ATP8A2: variants seen among roughly 807,000 people sequenced by gnomAD.
The protein encoded by ATP8A2 is ATPase phospholipid transporting 8A2, also known as phospholipid-transporting ATPase IB.
ATP8A2 carries 100 observed loss-of-function variants against 165.6 expected under a neutral mutation model. The ratio of observed to expected loss-of-function variants is 0.60; its 90% CI spans 0.51 to 0.71. The LOEUF is 0.71. Among genes scored for constraint, ATP8A2 ranks in the 30% least tolerant of loss-of-function variants. ATP8A2 has a pLI of 0.00. For synonymous variants in ATP8A2, 543 were observed against 548.8 expected (o/e 0.99, Z 0.15); for missense variants, 1,227 against 1,479.5 (o/e 0.83, Z 2.80).
intron 23 of ATP8A2, among the ~76,000 whole-genome samples, chr13:25,588,418 G>A (rs562623368): frequency 6.6e-6 from 1 of 152,162 alleles, no homozygotes; most frequent in African/African-American, 2.4e-5. Context: ...GTAGGTCTGA[G>A]CACATAAATG....
chr13:25,603,729 T>A (rs4769430), intron 24 of ATP8A2, among the ~76,000 whole-genome samples: 125,965 of 152,014 alleles, frequency 0.83, 53,190 homozygotes, highest in African/African-American at 0.91. Flanking sequence ...TAGAAGAAGG[T>A]TAAGACCCGA....
intron 36 of ATP8A2, among the ~76,000 whole-genome samples, chr13:26,015,920 T>C (rs1262751540): frequency 6.6e-6 from 1 of 152,152 alleles, no homozygotes; most frequent in Non-Finnish European, 1.5e-5. Context: ...AGTTAAAGGT[T>C]CATTAGGCAG....
intron 27 of ATP8A2, among the ~76,000 whole-genome samples, chr13:25,801,480 C>G (rs1164580462): frequency 1.3e-5 from 2 of 152,130 alleles, no homozygotes; most frequent in Non-Finnish European, 2.9e-5. Flanking sequence ...ACCTGCCTCC[C>G]ACATCCCTGT....
chr13:25,687,954 G>A (rs2042637510), intron 24 of ATP8A2, among the ~76,000 whole-genome samples: 1 of 152,006 alleles, frequency 6.6e-6, no homozygotes, highest in African/African-American at 2.4e-5. Flanking sequence ...GCTCCCTGTA[G>A]ACTCTGGGAT....
chr13:25,571,198 C>T (rs941371927), intron 17 of ATP8A2, among the ~76,000 whole-genome samples: 1 of 152,182 alleles, frequency 6.6e-6, no homozygotes, highest in African/African-American at 2.4e-5. Context: ...ATAGATTTTC[C>T]GCCTGCTGGG....
At chr13:25,608,523 C>CTA (rs2040576724) in intron 24 of ATP8A2, among the ~76,000 whole-genome samples, 2 of 152,052 alleles carry the variant, frequency 1.3e-5, no homozygotes, top group South Asian at 4.1e-4. Context: ...ACAAAGGAAA[C>CTA]GTCTAAGGTG....
In ATP8A2 at chr13:25,899,012, C is replaced by T. The variant is rs188585347; in HGVS notation, c.3183+36604C>T. Among the ~76,000 whole-genome samples the T allele has an allele frequency of 3.4e-3, 520 of 152,324 alleles. 4 individuals are homozygous for T. The highest frequency in any genetic ancestry group is 4.2e-3 in the Non-Finnish European group (285 of 68,036). ...TTATGCCTTGCCCTGCTTCAGCTCA[C>T]GCATGGTGCCCTGCACCCACTGTCT... On this transcript the variant is annotated intron_variant, in intron 33 of 36. Coordinates refer to ENST00000381655, the MANE Select transcript of ATP8A2 (RefSeq NM_016529.6).
chr13:25,853,396 A>ATGTATATAT (rs59573616), intron 30 of ATP8A2, among the ~76,000 whole-genome samples: 1 of 107,868 alleles, frequency 9.3e-6, no homozygotes, highest in African/African-American at 3.5e-5. Context: ...ATCTAAAAAA[A>ATGTATATAT]ATATATATAT....
intron 24 of ATP8A2, among the ~76,000 whole-genome samples, chr13:25,654,183 A>T (rs1436558019): frequency 6.6e-6 from 1 of 151,454 alleles, no homozygotes; most frequent in Non-Finnish European, 1.5e-5. Context: ...GGACGGTAGC[A>T]GAGTTTTTGC....
rs112177702 is a variant in ATP8A2 at position 25,776,971 on chromosome 13, GT to G, written c.2679+2023del. Among the ~76,000 whole-genome samples the G allele has an allele frequency of 4.4e-3, 646 of 147,344 alleles. 5 individuals carry two copies. Among genetic ancestry groups the G allele is most frequent in the African/African-American group, 0.015 (597 of 40,276 alleles). On this transcript the variant is annotated intron_variant, in intron 27 of 36. Coordinates refer to ENST00000381655, the MANE Select transcript of ATP8A2 (RefSeq NM_016529.6). ...CATTTACACCTACTATCTTGCTGGT[GT>G]TTTTTTTTTTACTTCAAGTGGGCTG...
rs535733348 is a variant in ATP8A2, at chr13:25,537,784, C to CA, written c.508-197dup. ...TTTCCTTTTTTATTAAACATCATTG[C>CA]AAAAAAAGGCAACATTACCAGTGTC... On this transcript the variant is annotated intron_variant, in intron 6 of 36. Transcript: ENST00000381655. 2.8e-3 allele frequency among the ~76,000 whole-genome samples: 420 copies of CA among 152,076 alleles called. 1 individual carries two copies. Among genetic ancestry groups the CA allele is most frequent in the African/African-American group, 7.7e-3 (321 of 41,516 alleles).
At chr13:25,814,735 G>A (rs1265469506) in intron 27 of ATP8A2, among the ~76,000 whole-genome samples, 2 of 152,010 alleles carry the variant, frequency 1.3e-5, no homozygotes, top group African/African-American at 4.8e-5. Flanking sequence ...GATAATTCAG[G>A]ACAGATGCAG....
chr13:25,521,214 A>G (rs1470628786), intron 2 of ATP8A2, among the ~76,000 whole-genome samples: 3 of 152,044 alleles, frequency 2.0e-5, no homozygotes, highest in Non-Finnish European at 2.9e-5. Context: ...TATTTTATCT[A>G]TTTATTTATT....
At chr13:25,570,056 TA>T (rs1324310033) in intron 16 of ATP8A2, among the ~76,000 whole-genome samples, 4 of 152,228 alleles carry the variant, frequency 2.6e-5, no homozygotes, top group African/African-American at 9.6e-5. Flanking sequence ...AAAAATTATA[TA>T]TTTTTTTCCC....
At chr13:25,870,032 T>C (rs1026826990) in intron 33 of ATP8A2, among the ~76,000 whole-genome samples, 1 of 152,072 alleles carries the variant, frequency 6.6e-6, no homozygotes, top group African/African-American at 2.4e-5. Flanking sequence ...TGTTATTGAG[T>C]GGAAGTATCT....
intron 24 of ATP8A2, among the ~76,000 whole-genome samples, chr13:25,654,768 C>A (rs2041889836): frequency 6.6e-6 from 1 of 152,086 alleles, no homozygotes; most frequent in Non-Finnish European, 1.5e-5. Context: ...GGAGACAGTC[C>A]CCCCAAGTCT....
At chr13:25,871,146 G>C in intron 33 of ATP8A2, 1 of 371,636 alleles carries the variant, frequency 2.7e-6, no homozygotes, top group South Asian at 2.0e-5. Context: ...TTGTGGTGTT[G>C]GCATTTGTCA....
chr13:25,411,332 T>G (rs1432715864), intron 1 of ATP8A2, among the ~76,000 whole-genome samples: 1 of 152,206 alleles, frequency 6.6e-6, no homozygotes. Flanking sequence ...GAGAGGTGGC[T>G]AGTACTGTGA....
chr13:25,450,806 C>T (rs2035204758), intron 1 of ATP8A2, among the ~76,000 whole-genome samples: 2 of 152,086 alleles, frequency 1.3e-5, no homozygotes, highest in Admixed American at 1.3e-4. Flanking sequence ...GCTAGGATTA[C>T]AGGCTTGAGC....
Sources: gnomAD v4.1 joint callset for allele counts (sites outside exome capture counted in the v4.1 genomes callset) on GRCh38, gnomAD v4.1.1 for gene constraint, MANE v1.5 for transcripts, NCBI Gene and HGNC (gene_info 2026-07-23, HGNC 2026-07-21) for gene names.